The following CNTNAP2 variants were observed in gnomAD, a reference collection of about 807,000 sequenced individuals.
The protein encoded by CNTNAP2 is contactin associated protein 2.
In CNTNAP2, 98 loss-of-function variants were observed where a neutral mutation model predicts 155.2. That is an observed-to-expected ratio of 0.63 (90% CI 0.54 to 0.75). The LOEUF (loss-of-function observed/expected upper bound fraction) is 0.75, where lower values mean the gene tolerates loss of function less well. Among genes scored for constraint, CNTNAP2 ranks in the 30% least tolerant of loss-of-function variants. CNTNAP2 has a pLI of 0.00. For synonymous variants in CNTNAP2, 651 were observed against 631.2 expected (o/e 1.03, Z -0.47); for missense variants, 1,727 against 1,688.1 (o/e 1.02, Z -0.40).
In CNTNAP2 at chr7:147,402,892, C is replaced by G. The variant is rs1528513; in HGVS notation, c.1670+7112C>G. Among the ~76,000 whole-genome samples, 313 of 149,950 alleles carry G rather than the reference C, an allele frequency of 2.1e-3. 4 individuals carry two copies. The highest frequency in any genetic ancestry group is 5.6e-3 in the African/African-American group (232 of 41,094). ...TGCTGTATAAACCAAATATAAAATTCTAAGCCATCATACTGACTGATGAAC... is the reference window on the plus strand; with the variant it reads ...TGCTGTATAAACCAAATATAAAATTGTAAGCCATCATACTGACTGATGAAC... On this transcript the variant is annotated intron_variant, in intron 10 of 23. Coordinates refer to ENST00000361727, the MANE Select transcript of CNTNAP2 (RefSeq NM_014141.6).
chr7:147,840,844 A>G (rs1333498268), intron 13 of CNTNAP2, among the ~76,000 whole-genome samples: 1 of 152,138 alleles, frequency 6.6e-6, no homozygotes, highest in African/African-American at 2.4e-5. Context: ...CAGAAAGTAG[A>G]ATCATAAATC....
At chr7:146,759,605 G>C (rs747747361) in intron 1 of CNTNAP2, among the ~76,000 whole-genome samples, 1 of 140,850 alleles carries the variant, frequency 7.1e-6, no homozygotes, top group Non-Finnish European at 1.5e-5. Flanking sequence ...CGAGGCAGGA[G>C]AATAGCTTGA....
intron 1 of CNTNAP2, among the ~76,000 whole-genome samples, chr7:146,400,980 A>G (rs1057301149): frequency 2.6e-5 from 4 of 152,130 alleles, no homozygotes; most frequent in Non-Finnish European, 5.9e-5. Context: ...TCTATGTCAT[A>G]ATTTTAGTGA....
chr7:146,372,862 C>T (rs988771844), intron 1 of CNTNAP2, among the ~76,000 whole-genome samples: 1 of 152,130 alleles, frequency 6.6e-6, no homozygotes, highest in Non-Finnish European at 1.5e-5. Context: ...TCTTTTCCCT[C>T]ATGTTTGTAT....
At chr7:148,328,124 C>T (rs761091676) in intron 21 of CNTNAP2, among the ~76,000 whole-genome samples, 82 of 152,150 alleles carry the variant, frequency 5.4e-4, no homozygotes, top group Non-Finnish European at 7.5e-4. Flanking sequence ...CACGCAGAGG[C>T]TATTTATTCA....
intron 13 of CNTNAP2, among the ~76,000 whole-genome samples, chr7:147,756,678 T>A (rs1447294335): frequency 6.6e-6 from 1 of 152,164 alleles, no homozygotes; most frequent in Non-Finnish European, 1.5e-5. Flanking sequence ...TCTTTCAATA[T>A]TAAAAAAATG....
chr7:146,977,109 C>G (rs923935239), intron 3 of CNTNAP2, among the ~76,000 whole-genome samples: 4 of 151,692 alleles, frequency 2.6e-5, no homozygotes, highest in Non-Finnish European at 5.9e-5. Flanking sequence ...GGAGTTAGAG[C>G]CAGAACATAA....
chr7:148,326,096 T>G (rs958037128), intron 21 of CNTNAP2, among the ~76,000 whole-genome samples: 8 of 151,826 alleles, frequency 5.3e-5, no homozygotes, highest in African/African-American at 1.5e-4. Flanking sequence ...GACACCCAAG[T>G]GCACCCAAGA....
intron 16 of CNTNAP2, among the ~76,000 whole-genome samples, chr7:148,133,170 A>G (rs1804868359): frequency 6.6e-6 from 1 of 152,152 alleles, no homozygotes; most frequent in South Asian, 2.1e-4. Context: ...ACAGTCTGAT[A>G]TGCATGCTAT....
intron 1 of CNTNAP2, among the ~76,000 whole-genome samples, chr7:146,142,435 G>A (rs1797894675): frequency 6.6e-6 from 1 of 152,124 alleles, no homozygotes; most frequent in Non-Finnish European, 1.5e-5. Context: ...ACACAAATGT[G>A]TCTATGAAAG....
chr7:146,329,709 C>G (rs1191247159), intron 1 of CNTNAP2, among the ~76,000 whole-genome samples: 1 of 152,068 alleles, frequency 6.6e-6, no homozygotes, highest in Non-Finnish European at 1.5e-5. Flanking sequence ...TCTCACCAAC[C>G]AGCCTTTTCT....
chr7:146,957,107 C>G (rs1395727117), intron 3 of CNTNAP2, among the ~76,000 whole-genome samples: 1 of 152,010 alleles, frequency 6.6e-6, no homozygotes, highest in African/African-American at 2.4e-5. Context: ...ACAGAGGGTA[C>G]TTAAACAGAC....
chr7:147,227,068 T>A (rs931371092), intron 8 of CNTNAP2, among the ~76,000 whole-genome samples: 2 of 152,104 alleles, frequency 1.3e-5, no homozygotes, highest in Non-Finnish European at 2.9e-5. Flanking sequence ...TACTGGGAAG[T>A]AGAGTTTCAA....
rs143547213 is a variant in CNTNAP2, at chr7:146,689,536, T to C, written c.98-84735T>C. On this transcript the variant is annotated intron_variant, in intron 1 of 23. Coordinates refer to ENST00000361727, the MANE Select transcript of CNTNAP2 (RefSeq NM_014141.6). ...TAGGCCACCAACGTCCTTGAGAATC[T>C]TTCATTTATCTGTCTGTACCTCATA... Among the ~76,000 whole-genome samples the C allele has an allele frequency of 1.9e-4, 29 of 152,224 alleles. No individual in the cohort carries two copies. In the East Asian group the frequency reaches 3.5e-3, roughly 18 times the overall value.
chr7:146,116,834 TC>T lies in CNTNAP2; in HGVS notation c.-41del, dbSNP rs775422890. On this transcript the variant is annotated 5_prime_UTR_variant, in exon 1 of 24. Transcript: ENST00000361727. The surrounding 1 kb of genome is among the most constrained non-coding windows in gnomAD (Gnocchi z 5.5). ...ACCCTACGGAGAGTCGGACTGCATC[TC>T]CGCAGCGAGCTCTTGGAGCGCCGCC... is the stretch of plus-strand genomic sequence containing the variant. 1.5e-5 allele frequency: 23 copies of T among 1,487,236 alleles called. No individual in the cohort carries two copies. The South Asian group carries it at 2.8e-4, about 18-fold the overall frequency. 92.1% of individuals were successfully genotyped at this position (1,487,236 alleles called of 1,614,324 possible).
chr7:147,456,229 A>G (rs956970623), intron 10 of CNTNAP2, among the ~76,000 whole-genome samples: 5 of 152,242 alleles, frequency 3.3e-5, no homozygotes, highest in South Asian at 2.1e-4. Context: ...CTGTGATTTA[A>G]TATTATATTG....
At position 146,661,932 on chromosome 7, in the gene CNTNAP2, AG is replaced by A. The variant is rs1800096999; in HGVS notation, c.98-112338del. Among the ~76,000 whole-genome samples the A allele has an allele frequency of 2.0e-5, 3 of 152,234 alleles. No individual in the cohort carries two copies. In the South Asian group the frequency reaches 6.2e-4, roughly 32 times the overall value. On this transcript the variant is annotated intron_variant, in intron 1 of 23. Transcript: ENST00000361727. ...TGCATTTCTAGCCAAAAAATATAAAAGTTTTAGCTGCTTTGCATATTTGTCA... is the reference window on the plus strand; with the variant it reads ...TGCATTTCTAGCCAAAAAATATAAAATTTTAGCTGCTTTGCATATTTGTCA...
intron 9 of CNTNAP2, among the ~76,000 whole-genome samples, chr7:147,319,955 A>G (rs1795317429): frequency 6.6e-6 from 1 of 152,148 alleles, no homozygotes; most frequent in Non-Finnish European, 1.5e-5. Context: ...GTTCTTTCTC[A>G]CAACTACTCA....
At chr7:147,157,919 TTAG>T (rs1801957174) in intron 8 of CNTNAP2, among the ~76,000 whole-genome samples, 1 of 152,090 alleles carries the variant, frequency 6.6e-6, no homozygotes, top group African/African-American at 2.4e-5. Context: ...AGTAATTCAA[TTAG>T]TAGGACATAG....
Sources: allele counts gnomAD v4.1 joint callset (sites outside exome capture counted in the v4.1 genomes callset), GRCh38; gene constraint gnomAD v4.1.1; non-coding constraint Gnocchi (gnomAD v3.1); transcripts MANE v1.5; gene names NCBI Gene and HGNC (gene_info 2026-07-23, HGNC 2026-07-21).